Variants in AK8 observed in about 807,000 individuals in gnomAD.
The protein encoded by AK8 is ATP-AMP transphosphorylase 8.
AK8 carries 44 observed loss-of-function variants against 54.6 expected under a neutral mutation model. The ratio of observed to expected loss-of-function variants is 0.81; its 90% CI spans 0.63 to 1.04. The LOEUF (loss-of-function observed/expected upper bound fraction) is 1.04. Ranked by LOEUF, AK8 falls within the 50% of genes least tolerant of loss-of-function variation. The pLI, the probability that AK8 is intolerant of heterozygous loss-of-function variation, is 0.00. For synonymous variants in AK8, 239 were observed against 245.6 expected (o/e 0.97, Z 0.25); for missense variants, 555 against 613.6 (o/e 0.90, Z 1.01).
At chr9:132,759,435 T>G (rs1838348567) in intron 11 of AK8, among the ~76,000 whole-genome samples, 2 of 152,210 alleles carry the variant, frequency 1.3e-5, no homozygotes, top group African/African-American at 4.8e-5. Context: ...ATAAAAGTTC[T>G]CAATTTTAAT....
At chr9:132,865,065 C>T (rs975777849) in intron 3 of AK8, among the ~76,000 whole-genome samples, 1 of 152,126 alleles carries the variant, frequency 6.6e-6, no homozygotes, top group Non-Finnish European at 1.5e-5. Flanking sequence ...CAGGGGACTC[C>T]AGGAACCTGC....
intron 10 of AK8, among the ~76,000 whole-genome samples, chr9:132,797,140 A>ACAT (rs1375335175): frequency 6.6e-6 from 1 of 152,156 alleles, no homozygotes; most frequent in African/African-American, 2.4e-5. Context: ...TCACAAGCGC[A>ACAT]CATCAGTAAC....
At chr9:132,748,111 A>G (rs1158204076) in intron 11 of AK8, among the ~76,000 whole-genome samples, 1 of 151,792 alleles carries the variant, frequency 6.6e-6, no homozygotes, top group African/African-American at 2.4e-5. Flanking sequence ...GAAATAAATA[A>G]ATAAATAAAT....
intron 5 of AK8, among the ~76,000 whole-genome samples, chr9:132,848,960 G>A (rs958649736): frequency 3.4e-5 from 5 of 148,246 alleles, no homozygotes; most frequent in African/African-American, 1.3e-4. Flanking sequence ...CCAGGCTGGA[G>A]TGCAGTGGCG....
At position 132,780,952 on chromosome 9, in the gene AK8, C is replaced by T. The variant is rs189406259; in HGVS notation, c.1121+11682G>A. 4.6e-5 allele frequency among the ~76,000 whole-genome samples: 7 copies of T among 152,082 alleles called. No homozygotes were observed. The East Asian group carries it at 7.7e-4, about 17-fold the overall frequency. On this transcript the variant is annotated intron_variant, in intron 11 of 12. Coordinates refer to ENST00000298545, the MANE Select transcript of AK8 (RefSeq NM_152572.3). ...CCCTGCCCCCTCCCTCCTTGCAGCA[C>T]GGAGGGAAAGGAGGATGCAAAAAAA... is the stretch of plus-strand genomic sequence containing the variant.
At chr9:132,734,961 G>T (rs1837028602) in intron 11 of AK8, among the ~76,000 whole-genome samples, 1 of 152,134 alleles carries the variant, frequency 6.6e-6, no homozygotes, top group African/African-American at 2.4e-5. Flanking sequence ...AACCCGAGAG[G>T]TGGAGGTTGC....
At chr9:132,763,801 G>A (rs999113575) in intron 11 of AK8, among the ~76,000 whole-genome samples, 3 of 152,180 alleles carry the variant, frequency 2.0e-5, no homozygotes, top group Non-Finnish European at 2.9e-5. Flanking sequence ...AAAGTCTGCT[G>A]AATTTAATTT....
intron 6 of AK8, 141 bp from the exon 7 acceptor site, chr9:132,828,225 G>C (rs1000501093): frequency 4.1e-6 from 3 of 725,170 alleles, no homozygotes; most frequent in Non-Finnish European, 6.8e-6. Flanking sequence ...TCCCATCCCC[G>C]TGAATTCCTA....
At chr9:132,768,353 C>T (rs989919490) in intron 11 of AK8, among the ~76,000 whole-genome samples, 20 of 151,914 alleles carry the variant, frequency 1.3e-4, no homozygotes, top group African/African-American at 3.6e-4. Context: ...TTGCAACCTC[C>T]GCCTCCTGGG....
rs924453490 is a variant in AK8 at position 132,860,887 on chromosome 9, T to C, written c.333+2778A>G. On this transcript the variant is annotated intron_variant, in intron 4 of 12. Transcript: ENST00000298545. This position sits in a 1 kb window ranked among gnomAD's most constrained non-coding sequence, Gnocchi z 4.4. ...CAGGAGGTCTTGCCATTGTCCACAC[T>C]GAATATTCAATCTCAGTAGATCTGG... 2.0e-5 allele frequency among the ~76,000 whole-genome samples: 3 copies of C among 152,184 alleles called. No individual in the cohort carries two copies.
At chr9:132,782,085 T>C (rs1364396278) in intron 11 of AK8, among the ~76,000 whole-genome samples, 1 of 152,202 alleles carries the variant, frequency 6.6e-6, no homozygotes, top group Non-Finnish European at 1.5e-5. Flanking sequence ...AAATTGGCAT[T>C]CTTTACTAAG....
intron 11 of AK8, chr9:132,769,872 G>A (rs538469453): frequency 3.3e-5 from 5 of 152,306 alleles, no homozygotes; most frequent in Admixed American, 1.3e-4. Flanking sequence ...TTAACTTAAT[G>A]CTATGCAAAT....
At chr9:132,846,403 C>G (rs1343673294) in intron 5 of AK8, among the ~76,000 whole-genome samples, 6 of 152,226 alleles carry the variant, frequency 3.9e-5, no homozygotes, top group Non-Finnish European at 4.4e-5. Flanking sequence ...TCTGTCTCTC[C>G]ATGACTAGAA....
At position 132,743,820 on chromosome 9, in the gene AK8, G is replaced by A. The variant is rs189154628; in HGVS notation, c.1122-16286C>T. On this transcript the variant is annotated intron_variant, in intron 11 of 12. Transcript: ENST00000298545. ...GTACTGTGATCGTGCCCATTTCGAG[G>A]GTGCAAAGACTCGGGCTCTGAGAGG... is the stretch of plus-strand genomic sequence containing the variant. Among the ~76,000 whole-genome samples, 107 of 152,274 alleles carry A rather than the reference G, an allele frequency of 7.0e-4. 2 individuals are homozygous for A. The highest frequency in any genetic ancestry group is 2.4e-3 in the African/African-American group (101 of 41,550).
chr9:132,741,507 T>C (rs1035848197), intron 11 of AK8, among the ~76,000 whole-genome samples: 5 of 152,156 alleles, frequency 3.3e-5, no homozygotes, highest in African/African-American at 1.2e-4. Context: ...GAACATTTCC[T>C]CCGTGTCCTG....
chr9:132,875,202 G>T lies in AK8; in HGVS notation c.85-3C>A. 6.2e-7 allele frequency: 1 copy of T among 1,614,082 alleles called. No homozygotes were observed. Among genetic ancestry groups the T allele is most frequent in the East Asian group, 2.2e-5 (1 of 44,892 alleles). On this transcript the variant is annotated splice_region_variant and splice_polypyrimidine_tract_variant and intron_variant, in intron 1 of 12. Transcript: ENST00000298545. ...ATCAGGAGTTGCTCCAGCATGTTCT[G>T]TGGGTGCAGGGCAGACACCCAGGTG...
At chr9:132,735,473 T>C (rs1468593723) in intron 11 of AK8, among the ~76,000 whole-genome samples, 3 of 152,080 alleles carry the variant, frequency 2.0e-5, no homozygotes, top group Non-Finnish European at 4.4e-5. Context: ...GCCTCCATGA[T>C]TGCAAAACCC....
intron 5 of AK8, among the ~76,000 whole-genome samples, chr9:132,831,682 T>C (rs1229215583): frequency 1.3e-5 from 2 of 152,126 alleles, no homozygotes; most frequent in African/African-American, 4.8e-5. Flanking sequence ...GGACTCAGCC[T>C]CCAGGTCACT....
intron 11 of AK8, among the ~76,000 whole-genome samples, chr9:132,737,693 A>G (rs1837185739): frequency 6.6e-6 from 1 of 152,236 alleles, no homozygotes; most frequent in East Asian, 1.9e-4. Flanking sequence ...AAAAACTCTC[A>G]GCAAACTAGA....
Sources: gnomAD v4.1 joint callset for allele counts (sites outside exome capture counted in the v4.1 genomes callset) on GRCh38, gnomAD v4.1.1 for gene constraint, Gnocchi (gnomAD v3.1) non-coding constraint, MANE v1.5 for transcripts, NCBI Gene and HGNC (gene_info 2026-07-23, HGNC 2026-07-21) for gene names.